Variants in SLC24A2 observed in about 807,000 individuals in gnomAD.
SLC24A2 encodes the protein solute carrier family 24 member 2, also known as sodium/potassium/calcium exchanger 2.
In SLC24A2, 36 loss-of-function variants were observed where a neutral mutation model predicts 62.0. That is an observed-to-expected ratio of 0.58 (90% CI 0.44 to 0.77). The LOEUF is 0.77. Ranked by LOEUF, SLC24A2 falls within the 30% of genes least tolerant of loss-of-function variation. The pLI is 0.00. For missense variants in SLC24A2, 846 were observed against 817.9 expected, an observed-to-expected ratio of 1.03 and a Z score of -0.42; for synonymous variants, 358 against 294.0, an observed-to-expected ratio of 1.22 and a Z score of -2.23.
intron 2 of SLC24A2, among the ~76,000 whole-genome samples, chr9:19,650,093 C>T (rs1269731948): frequency 2.0e-5 from 3 of 152,116 alleles, no homozygotes; most frequent in Non-Finnish European, 2.9e-5. Flanking sequence ...GGTTTTACCT[C>T]GTAGGCTATT....
chr9:20,248,254 A>AT, the SLC24A2 span, among the ~76,000 whole-genome samples: 1 of 152,358 alleles, frequency 6.6e-6, no homozygotes, highest in Non-Finnish European at 1.5e-5. Flanking sequence ...TCCAACATGG[A>AT]TTTTATACAT....
the SLC24A2 span, among the ~76,000 whole-genome samples, chr9:20,045,954 C>A: frequency 6.6e-6 from 1 of 152,180 alleles, no homozygotes; most frequent in African/African-American, 2.4e-5. Context: ...ATGGAGAGAA[C>A]AACTAGTGCA....
chr9:19,623,884 G>C (rs967199135), intron 2 of SLC24A2, among the ~76,000 whole-genome samples: 1 of 152,156 alleles, frequency 6.6e-6, no homozygotes, highest in African/African-American at 2.4e-5. Context: ...TAATTTCTGA[G>C]CACAGCCTGT....
At chr9:19,782,207 C>A (rs551443024) in intron 2 of SLC24A2, among the ~76,000 whole-genome samples, 3 of 152,176 alleles carry the variant, frequency 2.0e-5, no homozygotes, top group Non-Finnish European at 4.4e-5. Flanking sequence ...AACAGATCAA[C>A]GGCCCCCAGC....
the SLC24A2 span, among the ~76,000 whole-genome samples, chr9:20,097,552 T>C: frequency 1.3e-5 from 2 of 151,958 alleles, no homozygotes; most frequent in Non-Finnish European, 2.9e-5. Flanking sequence ...TTCTTATAAC[T>C]CTGAACCCTA....
chr9:19,971,473 G>A, the SLC24A2 span, among the ~76,000 whole-genome samples: 3 of 152,278 alleles, frequency 2.0e-5, no homozygotes, highest in South Asian at 4.1e-4. Context: ...CAGACTGGTA[G>A]GCCTGTATGG....
chr9:19,510,418 A>T lies in SLC24A2; in HGVS notation c.*5735T>A, dbSNP rs190729626. On this transcript the variant is annotated 3_prime_UTR_variant, in exon 11 of 11. Coordinates refer to ENST00000341998, the MANE Select transcript of SLC24A2 (RefSeq NM_020344.4). Reference sequence around the variant, plus strand: ...GGGGCAAAGAGTGAAGAGTGCCCAGATGCAGTTACTTTTTGCCAAAAAAAA... The same window carrying T: ...GGGGCAAAGAGTGAAGAGTGCCCAGTTGCAGTTACTTTTTGCCAAAAAAAA... The T allele has an allele frequency of 1.4e-5, 2 of 139,280 alleles. 1 individual carries two copies. Among genetic ancestry groups the T allele is most frequent in the East Asian group, 4.5e-4 (2 of 4,482 alleles). 8.6% of individuals were successfully genotyped at this position (139,280 alleles called of 1,614,324 possible).
chr9:19,717,894 A>G (rs1820903773), intron 2 of SLC24A2, among the ~76,000 whole-genome samples: 1 of 152,132 alleles, frequency 6.6e-6, no homozygotes, highest in Non-Finnish European at 1.5e-5. Context: ...CTTTAGTTAC[A>G]AGAAGAAAAT....
chr9:20,005,652 G>C, the SLC24A2 span, among the ~76,000 whole-genome samples: 1 of 151,916 alleles, frequency 6.6e-6, no homozygotes, highest in African/African-American at 2.4e-5. Context: ...GGGTGGGACA[G>C]GGTATTTCTT....
At chr9:20,108,587 C>G in the SLC24A2 span, among the ~76,000 whole-genome samples, 2 of 151,800 alleles carry the variant, frequency 1.3e-5, no homozygotes, top group African/African-American at 4.8e-5. Flanking sequence ...TCTCAGTAAA[C>G]TATCGCAAGA....
intron 2 of SLC24A2, among the ~76,000 whole-genome samples, chr9:19,629,369 GT>G (rs1416405374): frequency 6.6e-6 from 1 of 152,190 alleles, no homozygotes; most frequent in Non-Finnish European, 1.5e-5. Flanking sequence ...TGAGAAAATA[GT>G]GGCAAGTGAT....
the SLC24A2 span, among the ~76,000 whole-genome samples, chr9:20,244,767 T>G: frequency 6.6e-6 from 1 of 152,222 alleles, no homozygotes; most frequent in South Asian, 2.1e-4. Flanking sequence ...ACAATAACAG[T>G]ACTGCTTCTT....
At chr9:20,081,847 AC>A in the SLC24A2 span, among the ~76,000 whole-genome samples, 2 of 152,160 alleles carry the variant, frequency 1.3e-5, no homozygotes, top group South Asian at 4.1e-4. Flanking sequence ...TGAATTTATA[AC>A]CTAAACCCAA....
At chr9:19,949,639 T>A in the SLC24A2 span, among the ~76,000 whole-genome samples, 1 of 152,204 alleles carries the variant, frequency 6.6e-6, no homozygotes, top group African/African-American at 2.4e-5. Flanking sequence ...ATCTCATGAC[T>A]AAGTTTGGCT....
At chr9:20,192,189 A>G in the SLC24A2 span, among the ~76,000 whole-genome samples, 2 of 152,198 alleles carry the variant, frequency 1.3e-5, no homozygotes, top group Non-Finnish European at 2.9e-5. Flanking sequence ...CTGCTTAAGC[A>G]AAGACTCTAA....
At chr9:19,625,214 A>C (rs1047669743) in intron 2 of SLC24A2, among the ~76,000 whole-genome samples, 1 of 152,140 alleles carries the variant, frequency 6.6e-6, no homozygotes, top group Non-Finnish European at 1.5e-5. Context: ...ACACACAAAA[A>C]TACCACTCAT....
At chr9:19,849,011 G>A in the SLC24A2 span, among the ~76,000 whole-genome samples, 8 of 152,208 alleles carry the variant, frequency 5.3e-5, no homozygotes, top group African/African-American at 7.2e-5. Context: ...ACCCTAGAGT[G>A]GGAGGCAGAC....
chr9:20,077,643 T>C, the SLC24A2 span, among the ~76,000 whole-genome samples: 1 of 152,144 alleles, frequency 6.6e-6, no homozygotes, highest in Admixed American at 6.6e-5. Context: ...GGTCTCATAC[T>C]AAACTTGACC....
intron 4 of SLC24A2, among the ~76,000 whole-genome samples, chr9:19,603,281 A>G (rs945199596): frequency 1.3e-5 from 2 of 152,186 alleles, no homozygotes; most frequent in African/African-American, 4.8e-5. Flanking sequence ...TTACAAAATC[A>G]AGCAAAAGGT....
Sources: gnomAD v4.1 joint callset for allele counts (sites outside exome capture counted in the v4.1 genomes callset) on GRCh38, gnomAD v4.1.1 for gene constraint, MANE v1.5 for transcripts, NCBI Gene and HGNC (gene_info 2026-07-23, HGNC 2026-07-21) for gene names.